PRR5L: variants seen among roughly 807,000 people sequenced by gnomAD.
PRR5L encodes proline rich 5 like.
In PRR5L, 21 loss-of-function variants were observed where a neutral mutation model predicts 36.4. That is an observed-to-expected ratio of 0.58 (90% CI 0.41 to 0.83). The LOEUF (loss-of-function observed/expected upper bound fraction) is 0.83. Among genes scored for constraint, PRR5L ranks in the 40% least tolerant of loss-of-function variants. The pLI, the probability that PRR5L is intolerant of heterozygous loss-of-function variation, is 0.00. For synonymous variants in PRR5L, 188 were observed against 197.0 expected (o/e 0.95, Z 0.38); for missense variants, 381 against 473.3 (o/e 0.80, Z 1.81).
intron 1 of PRR5L, chr11:36,376,122 C>A: frequency 2.3e-6 from 3 of 1,302,168 alleles, no homozygotes; most frequent in African/African-American, 1.5e-5. Flanking sequence ...TTTTTTAAGT[C>A]AAAAAGCTTG....
chr11:36,406,104 CTT>C (rs34363237), intron 3 of PRR5L, among the ~76,000 whole-genome samples: 1 of 147,444 alleles, frequency 6.8e-6, no homozygotes. Context: ...GGTTCCTGAT[CTT>C]TTTTTTTTTG....
chr11:36,431,632 T>C (rs1160988888), intron 4 of PRR5L, among the ~76,000 whole-genome samples: 1 of 151,990 alleles, frequency 6.6e-6, no homozygotes, highest in East Asian at 1.9e-4. Flanking sequence ...GGCGGTTGGG[T>C]TTGCCTCTTA....
intron 4 of PRR5L, among the ~76,000 whole-genome samples, chr11:36,429,072 G>A (rs2133595889): frequency 6.6e-6 from 1 of 151,872 alleles, no homozygotes. Flanking sequence ...TTTTTCCTAA[G>A]GTCTCCTTGA....
chr11:36,359,032 C>T (rs1857057708), intron 1 of PRR5L, among the ~76,000 whole-genome samples: 1 of 152,130 alleles, frequency 6.6e-6, no homozygotes, highest in African/African-American at 2.4e-5. Flanking sequence ...GACTTGCAGG[C>T]TCATATTCTT....
chr11:36,345,594 C>T (rs535485076), intron 1 of PRR5L, among the ~76,000 whole-genome samples: 94 of 152,262 alleles, frequency 6.2e-4, no homozygotes, highest in African/African-American at 2.2e-3. Flanking sequence ...AAACAAGTGA[C>T]CTGTGTGTAT....
At chr11:36,402,523 G>A (rs1176184516) in intron 2 of PRR5L, among the ~76,000 whole-genome samples, 5 of 152,200 alleles carry the variant, frequency 3.3e-5, no homozygotes, top group Admixed American at 1.3e-4. Flanking sequence ...GATTACAGGC[G>A]TGAGCCACTG....
rs531489153 is a variant in PRR5L at position 36,403,386 on chromosome 11, G to A, written c.245+8G>A. On this transcript the variant is annotated splice_region_variant and intron_variant, in intron 3 of 8. Transcript: ENST00000530639. ...CCTGAACGAAAACATCAGGTATGTG[G>A]CAGGCCAGACTTGGTGCCATTTTCC... The A allele has an allele frequency of 1.2e-6, 2 of 1,612,738 alleles. No individual in the cohort carries two copies. Among genetic ancestry groups the A allele is most frequent in the South Asian group, 2.2e-5 (2 of 91,034 alleles).
At chr11:36,335,991 C>T (rs1354804043) in intron 1 of PRR5L, among the ~76,000 whole-genome samples, 2 of 152,142 alleles carry the variant, frequency 1.3e-5, no homozygotes, top group Non-Finnish European at 2.9e-5. Context: ...GGGGTGAAAA[C>T]GGGAGGAGGC....
chr11:36,321,404 A>G (rs961336422), intron 1 of PRR5L: 3 of 152,214 alleles, frequency 2.0e-5, no homozygotes, highest in African/African-American at 7.2e-5. Flanking sequence ...GAAAAGCAAG[A>G]AAGTTTCTTT....
intron 1 of PRR5L, among the ~76,000 whole-genome samples, chr11:36,349,550 G>A (rs138164609): frequency 2.0e-5 from 3 of 152,248 alleles, no homozygotes; most frequent in East Asian, 1.9e-4. Context: ...GAAGGAAGGC[G>A]AGGGGCCTTC....
chr11:36,364,316 T>C (rs1196664411), intron 1 of PRR5L, among the ~76,000 whole-genome samples: 1 of 152,198 alleles, frequency 6.6e-6, no homozygotes, highest in Non-Finnish European at 1.5e-5. Flanking sequence ...GGGACTTGCC[T>C]TTGTCCTTTC....
At chr11:36,403,250 C>T in intron 2 of PRR5L, 48 bp from the exon 3 acceptor site, 12 of 1,549,684 alleles carry the variant, frequency 7.7e-6, no homozygotes, top group Non-Finnish European at 1.1e-5. Flanking sequence ...ATTGAAATGG[C>T]CCAAGAAGGG....
At chr11:36,301,808 A>C (rs1856380059) in intron 1 of PRR5L, among the ~76,000 whole-genome samples, 1 of 152,224 alleles carries the variant, frequency 6.6e-6, no homozygotes. Flanking sequence ...TAGACCAAGC[A>C]TTCAGTGATA....
At chr11:36,420,519 T>G (rs1313760560) in intron 4 of PRR5L, among the ~76,000 whole-genome samples, 1 of 152,164 alleles carries the variant, frequency 6.6e-6, no homozygotes, top group Non-Finnish European at 1.5e-5. Context: ...CTAAATAAGT[T>G]ATTTATAAAA....
intron 1 of PRR5L, among the ~76,000 whole-genome samples, chr11:36,313,507 G>C (rs1270323000): frequency 1.3e-5 from 2 of 152,160 alleles, no homozygotes; most frequent in African/African-American, 2.4e-5. Flanking sequence ...TGCTTTGTTG[G>C]GTAGCCAAAT....
intron 1 of PRR5L, among the ~76,000 whole-genome samples, chr11:36,315,939 C>T (rs1231788691): frequency 6.6e-6 from 1 of 152,146 alleles, no homozygotes. Context: ...CTTTGGAGCC[C>T]CTCAGAATTC....
intron 1 of PRR5L, among the ~76,000 whole-genome samples, chr11:36,334,012 A>G (rs1175959658): frequency 6.7e-6 from 1 of 148,224 alleles, no homozygotes; most frequent in Non-Finnish European, 1.5e-5. Flanking sequence ...CTTCATCCTC[A>G]TGGTCCAAGA....
In PRR5L at chr11:36,305,773, G is replaced by A. The variant is rs192126247; in HGVS notation, c.-126+9335G>A. Reference sequence around the variant, plus strand: ...GCCCTCAATAGACACTGAATCTGCCGGTGCTTTGATCTAGGACTTCCCAGC... The same window carrying A: ...GCCCTCAATAGACACTGAATCTGCCAGTGCTTTGATCTAGGACTTCCCAGC... On this transcript the variant is annotated intron_variant, in intron 1 of 8. Coordinates refer to ENST00000530639, the MANE Select transcript of PRR5L (RefSeq NM_001160167.2). Among the ~76,000 whole-genome samples the A allele has an allele frequency of 3.1e-3, 476 of 152,262 alleles. 1 individual carries two copies. The highest frequency in any genetic ancestry group is 6.8e-3 in the South Asian group (33 of 4,826).
chr11:36,296,621 AG>A (rs2133444358), intron 1 of PRR5L, among the ~76,000 whole-genome samples, 183 bp downstream of exon 1: 1 of 152,372 alleles, frequency 6.6e-6, no homozygotes, highest in Admixed American at 6.5e-5. Flanking sequence ...CCTCCCAGTT[AG>A]AAAAATACCC....
Sources: gnomAD v4.1 joint callset for allele counts (sites outside exome capture counted in the v4.1 genomes callset) on GRCh38, gnomAD v4.1.1 for gene constraint, MANE v1.5 for transcripts, NCBI Gene and HGNC (gene_info 2026-07-23, HGNC 2026-07-21) for gene names.